UNC5D: variants seen among roughly 807,000 people sequenced by gnomAD.
UNC5D encodes netrin receptor UNC5D.
A neutral mutation model predicts 105.4 loss-of-function variants in UNC5D; 39 were observed. The ratio of observed to expected loss-of-function variants is 0.37; its 90% CI spans 0.29 to 0.48. UNC5D has a LOEUF of 0.48. UNC5D is among the 20% of genes least tolerant of loss of function. The pLI is 0.98. For missense variants in UNC5D, 991 were observed against 1,202.4 expected, an observed-to-expected ratio of 0.82 and a Z score of 2.60; for synonymous variants, 452 against 450.4, an observed-to-expected ratio of 1.00 and a Z score of -0.04.
At chr8:35,439,042 T>C (rs530297180) in intron 1 of UNC5D, among the ~76,000 whole-genome samples, 4 of 151,972 alleles carry the variant, frequency 2.6e-5, no homozygotes, top group East Asian at 3.9e-4. Context: ...TTTTTTTTTT[T>C]CTAAGCTGAG....
chr8:35,758,433 T>C (rs1830612080), intron 13 of UNC5D, among the ~76,000 whole-genome samples: 1 of 149,202 alleles, frequency 6.7e-6, no homozygotes, highest in Non-Finnish European at 1.5e-5. Context: ...AAATAATATA[T>C]CAATTAATTA....
intron 1 of UNC5D, among the ~76,000 whole-genome samples, chr8:35,331,782 C>T (rs757369676): frequency 3.3e-5 from 5 of 152,136 alleles, no homozygotes; most frequent in Admixed American, 3.3e-4. Context: ...CATCCTGCCT[C>T]TATCACTACT....
chr8:35,744,567 A>T (rs1331266270), intron 11 of UNC5D, among the ~76,000 whole-genome samples: 1 of 152,088 alleles, frequency 6.6e-6, no homozygotes, highest in Non-Finnish European at 1.5e-5. Flanking sequence ...GTGGATTCTT[A>T]TAGTATGACT....
At chr8:35,638,189 A>G (rs1381364926) in intron 4 of UNC5D, among the ~76,000 whole-genome samples, 2 of 152,184 alleles carry the variant, frequency 1.3e-5, no homozygotes, top group African/African-American at 4.8e-5. Flanking sequence ...TATTTTTTTG[A>G]GAACAAACAC....
At chr8:35,642,600 C>T (rs996554018) in intron 4 of UNC5D, among the ~76,000 whole-genome samples, 24 of 151,988 alleles carry the variant, frequency 1.6e-4, no homozygotes, top group Admixed American at 1.0e-3. Context: ...CTGAAGCCTG[C>T]GAAATCCGAA....
intron 4 of UNC5D, among the ~76,000 whole-genome samples, chr8:35,622,659 A>C (rs1821429721): frequency 6.6e-6 from 1 of 152,210 alleles, no homozygotes; most frequent in African/African-American, 2.4e-5. Context: ...GTAGTATTAG[A>C]TAATAAAATC....
chr8:35,626,156 AATACCAC>A (rs149627022), intron 4 of UNC5D, among the ~76,000 whole-genome samples: 1,852 of 151,522 alleles, frequency 0.012, 49 homozygotes, highest in African/African-American at 0.043. Flanking sequence ...GTGTCTGCAA[AATACCAC>A]ATGGATTTCT....
chr8:35,778,350 A>T (rs2131758116), intron 16 of UNC5D, among the ~76,000 whole-genome samples: 1 of 152,284 alleles, frequency 6.6e-6, no homozygotes, highest in East Asian at 1.9e-4. Context: ...TGTTTTTAGT[A>T]CTGTCCCGAA....
chr8:35,525,069 G>C lies in UNC5D; in HGVS notation c.104-24223G>C, dbSNP rs913310069. Reference sequence around the variant, plus strand: ...TGGAAATGCTGACCCTTTGTTAAGAGCCAACAGGACATATAGGATCCCTTC... The same window carrying C: ...TGGAAATGCTGACCCTTTGTTAAGACCCAACAGGACATATAGGATCCCTTC... On this transcript the variant is annotated intron_variant, in intron 1 of 16. Coordinates refer to ENST00000404895, the MANE Select transcript of UNC5D (RefSeq NM_080872.4). 1.3e-5 allele frequency: 13 copies of C among 1,031,726 alleles called. No homozygotes were observed. The African/African-American group carries it at 1.9e-4, about 15-fold the overall frequency. 63.9% of individuals were successfully genotyped at this position (1,031,726 alleles called of 1,614,324 possible). A position where few individuals can be genotyped will look rare whatever the true frequency, so the allele number is the denominator to read the frequency against.
chr8:35,520,254 G>A (rs1389975398), intron 1 of UNC5D, among the ~76,000 whole-genome samples: 2 of 152,074 alleles, frequency 1.3e-5, no homozygotes, highest in East Asian at 1.9e-4. Context: ...ATCAAGATAT[G>A]CTACAACATC....
chr8:35,447,882 A>C (rs1807899806), intron 1 of UNC5D, among the ~76,000 whole-genome samples: 1 of 152,086 alleles, frequency 6.6e-6, no homozygotes, highest in South Asian at 2.1e-4. Flanking sequence ...CAAAACCAGT[A>C]ACAGGAGAAC....
At chr8:35,380,198 G>GGAGA (rs35266582) in intron 1 of UNC5D, among the ~76,000 whole-genome samples, 184 of 135,236 alleles carry the variant, frequency 1.4e-3, no homozygotes, top group African/African-American at 4.0e-3. Context: ...AGACCGAGAG[G>GGAGA]GAGAGAGAGA....
At chr8:35,789,913 C>CACACAT (rs1802957104) in intron 16 of UNC5D, among the ~76,000 whole-genome samples, 1 of 151,396 alleles carries the variant, frequency 6.6e-6, no homozygotes, top group African/African-American at 2.4e-5. Context: ...CACACACACA[C>CACACAT]ACACACACAC....
At chr8:35,327,116 C>A (rs563250072) in intron 1 of UNC5D, among the ~76,000 whole-genome samples, 1 of 152,034 alleles carries the variant, frequency 6.6e-6, no homozygotes, top group Non-Finnish European at 1.5e-5. Context: ...AGTGCCTTGG[C>A]GGAAAGATGA....
Position 35,482,250 on chromosome 8 carries a change from C to T in UNC5D, c.104-67042C>T, listed in dbSNP as rs141437636. On this transcript the variant is annotated intron_variant, in intron 1 of 16. Transcript: ENST00000404895. ...CCTTATGGATGGATTTGTCCTTTTTCCTCCTGACTGTAATGCTCATAAAGC... is the reference window on the plus strand; with the variant it reads ...CCTTATGGATGGATTTGTCCTTTTTTCTCCTGACTGTAATGCTCATAAAGC... Among the ~76,000 whole-genome samples, 545 of 152,190 alleles carry T rather than the reference C, an allele frequency of 3.6e-3. 7 individuals carry two copies. Among genetic ancestry groups the T allele is most frequent in the African/African-American group, 0.013 (520 of 41,530 alleles).
At chr8:35,238,668 A>G (rs1369256188) in intron 1 of UNC5D, among the ~76,000 whole-genome samples, 1 of 152,208 alleles carries the variant, frequency 6.6e-6, no homozygotes, top group Non-Finnish European at 1.5e-5. Flanking sequence ...AAGATACTGT[A>G]GTCATTAAAG....
At chr8:35,347,757 G>A (rs1372824293) in intron 1 of UNC5D, among the ~76,000 whole-genome samples, 5 of 151,948 alleles carry the variant, frequency 3.3e-5, no homozygotes, top group African/African-American at 1.2e-4. Flanking sequence ...CTTCATGAGT[G>A]TATTCCTCAT....
chr8:35,561,410 T>C (rs1051649771), intron 2 of UNC5D, among the ~76,000 whole-genome samples: 14 of 152,174 alleles, frequency 9.2e-5, no homozygotes, highest in African/African-American at 2.4e-5. Context: ...TGCTTCCCCA[T>C]CTGGCTCTAT....
In UNC5D at chr8:35,750,742, T is replaced by C; in HGVS notation, c.2096T>C (p.Met699Thr). 1 of 1,614,192 alleles carries C rather than the reference T, an allele frequency of 6.2e-7. No homozygotes were observed. The highest frequency in any genetic ancestry group is 8.5e-7 in the Non-Finnish European group (1 of 1,180,022). Residue 699 changes from methionine to threonine, a missense_variant, in exon 13 of 17, where the codon ATG becomes ACG. Physicochemically the swap from Met to Thr is moderately conservative, Grantham distance 81. Coordinates refer to ENST00000404895, the MANE Select transcript of UNC5D (RefSeq NM_080872.4). ...KQLKVAVFGC[M>T]SCNSLDYNLR... ...CTGAAGGTGGCGGTTTTTGGCTGCA[T>C]GTCCTGTAACTCCCTGGATTACAAC...
Sources: allele counts gnomAD v4.1 joint callset (sites outside exome capture counted in the v4.1 genomes callset), GRCh38; gene constraint gnomAD v4.1.1; transcripts MANE v1.5; gene names NCBI Gene and HGNC (gene_info 2026-07-23, HGNC 2026-07-21).